RORA: variants seen among roughly 807,000 people sequenced by gnomAD.
RORA encodes the protein nuclear receptor ROR-alpha.
In RORA, 7 loss-of-function variants were observed where a neutral mutation model predicts 69.5. That is an observed-to-expected ratio of 0.10 (90% CI 0.06 to 0.19). RORA has a LOEUF of 0.19. Ranked by LOEUF, RORA falls within the 10% of genes least tolerant of loss-of-function variation. The probability of loss-of-function intolerance (pLI) is 1.00; values close to 1 mark genes in which losing one functional copy is unlikely to be tolerated. For missense variants in RORA, 457 were observed against 663.0 expected, an observed-to-expected ratio of 0.69 and a Z score of 3.41; for synonymous variants, 261 against 240.8, an observed-to-expected ratio of 1.08 and a Z score of -0.78.
At chr15:60,697,984 C>T (rs1312667967) in intron 1 of RORA, among the ~76,000 whole-genome samples, 4 of 152,122 alleles carry the variant, frequency 2.6e-5, no homozygotes, top group African/African-American at 4.8e-5. Context: ...GTAAAATAAA[C>T]GCCTACAAAG....
chr15:60,819,252 A>G (rs945206122), intron 1 of RORA, among the ~76,000 whole-genome samples: 6 of 152,352 alleles, frequency 3.9e-5, no homozygotes, highest in South Asian at 2.1e-4. Context: ...ATGCTTCAGG[A>G]GTATGCTCTG....
intron 1 of RORA, among the ~76,000 whole-genome samples, chr15:60,702,695 T>C (rs1416944227): frequency 6.6e-6 from 1 of 152,220 alleles, no homozygotes; most frequent in Non-Finnish European, 1.5e-5. Context: ...ACTGAAACAA[T>C]GCATGTGCAA....
chr15:61,202,260 T>G (rs2079902153), intron 1 of RORA, among the ~76,000 whole-genome samples: 1 of 152,190 alleles, frequency 6.6e-6, no homozygotes, highest in Non-Finnish European at 1.5e-5. Flanking sequence ...TCCGCCTGCC[T>G]CAGCCTCCCA....
rs376520152 is a variant in RORA, at chr15:60,526,712, G to A, written c.282+5054C>T. ...TGCCCAGCTCTAATACTGGGGCCAC[G>A]TATTAAAATAAAAATGAGCATGAAT... On this transcript the variant is annotated intron_variant, in intron 3 of 10. Coordinates refer to ENST00000335670, the MANE Select transcript of RORA (RefSeq NM_134261.3). Among the ~76,000 whole-genome samples the A allele has an allele frequency of 8.5e-5, 13 of 152,240 alleles. No individual in the cohort carries two copies. The East Asian group carries it at 1.7e-3, about 20-fold the overall frequency.
chr15:60,810,790 A>C (rs886252256), intron 1 of RORA, among the ~76,000 whole-genome samples: 1 of 150,100 alleles, frequency 6.7e-6, no homozygotes, highest in South Asian at 2.1e-4. Context: ...CTCACATTAT[A>C]TGCTTTCCTT....
intron 1 of RORA, among the ~76,000 whole-genome samples, chr15:61,154,263 G>A (rs1040160436): frequency 2.0e-5 from 3 of 152,098 alleles, no homozygotes; most frequent in African/African-American, 4.8e-5. Flanking sequence ...GGGTACAAAA[G>A]TAAAGGCCAA....
At chr15:60,709,387 G>T (rs1313110690) in intron 1 of RORA, among the ~76,000 whole-genome samples, 1 of 152,162 alleles carries the variant, frequency 6.6e-6, no homozygotes, top group Non-Finnish European at 1.5e-5. Flanking sequence ...TGAAGTAACA[G>T]ACTGAGGATT....
At chr15:61,114,077 C>G (rs539602392) in intron 1 of RORA, among the ~76,000 whole-genome samples, 2 of 152,152 alleles carry the variant, frequency 1.3e-5, no homozygotes, top group Non-Finnish European at 2.9e-5. Flanking sequence ...AATGTCACTC[C>G]GCAAAGTTCT....
intron 1 of RORA, among the ~76,000 whole-genome samples, chr15:60,971,565 C>A (rs1357640178): frequency 6.6e-6 from 1 of 152,226 alleles, no homozygotes; most frequent in Non-Finnish European, 1.5e-5. Context: ...GATTCTTCTC[C>A]TCACTCCATT....
intron 2 of RORA, chr15:60,627,362 C>A (rs200758127): frequency 1.9e-6 from 3 of 1,614,170 alleles, no homozygotes; most frequent in Non-Finnish European, 1.7e-6. Context: ...TCTCCTGGGG[C>A]CCCCTCATTC....
At chr15:60,946,567 G>T (rs1892883835) in intron 1 of RORA, among the ~76,000 whole-genome samples, 1 of 152,220 alleles carries the variant, frequency 6.6e-6, no homozygotes, top group South Asian at 2.1e-4. Flanking sequence ...CATTCACTCA[G>T]TGCTCAATGT....
intron 1 of RORA, among the ~76,000 whole-genome samples, chr15:61,027,060 T>C (rs1241700522): frequency 6.6e-6 from 1 of 152,148 alleles, no homozygotes; most frequent in Non-Finnish European, 1.5e-5. Context: ...GCATTTATCA[T>C]TGTAACTGAG....
At chr15:60,949,652 C>T (rs1170646321) in intron 1 of RORA, among the ~76,000 whole-genome samples, 1 of 152,208 alleles carries the variant, frequency 6.6e-6, no homozygotes, top group East Asian at 1.9e-4. Flanking sequence ...TTCATATTGT[C>T]AACTGGTGTC....
chr15:60,671,829 C>G (rs1279554170), intron 2 of RORA, among the ~76,000 whole-genome samples: 6 of 151,960 alleles, frequency 3.9e-5, no homozygotes, highest in African/African-American at 1.4e-4. Context: ...CCAGGCTGGT[C>G]TCAAACTCCT....
chr15:60,775,236 G>A (rs2072144472), intron 1 of RORA, among the ~76,000 whole-genome samples: 1 of 152,098 alleles, frequency 6.6e-6, no homozygotes, highest in African/African-American at 2.4e-5. Context: ...CAAAAGATTA[G>A]ATTCCCCACC....
At chr15:60,617,121 T>C (rs1035940340) in intron 2 of RORA, among the ~76,000 whole-genome samples, 1 of 152,172 alleles carries the variant, frequency 6.6e-6, no homozygotes, top group African/African-American at 2.4e-5. Flanking sequence ...AGGGGTGATA[T>C]GATGATATGT....
chr15:60,803,554 A>G (rs1461026069), intron 1 of RORA, among the ~76,000 whole-genome samples: 3 of 152,348 alleles, frequency 2.0e-5, no homozygotes, highest in Admixed American at 6.5e-5. Context: ...CAGAGCCCAC[A>G]AGGCAGCATT....
rs1431262976 is a variant in RORA at position 61,147,017 on chromosome 15, G to T, written c.166+82036C>A. On this transcript the variant is annotated intron_variant, in intron 1 of 10. Coordinates refer to ENST00000335670, the MANE Select transcript of RORA (RefSeq NM_134261.3). The surrounding 1 kb of genome is among the most constrained non-coding windows in gnomAD (Gnocchi z 4.1). ...AACCCTCTTCAGGCTATTCATGGTG[G>T]GGGGCAGTCACGGGGGAACTAAATG... Among the ~76,000 whole-genome samples, 1 of 151,766 alleles carries T rather than the reference G, an allele frequency of 6.6e-6. No individual in the cohort carries two copies. The highest frequency in any genetic ancestry group is 2.4e-5 in the African/African-American group (1 of 41,288).
chr15:60,502,831 G>C lies in RORA; in HGVS notation c.1112C>G (p.Ala371Gly). The change falls in exon 8 of 11, where the codon GCC becomes GGC. Residue 371 changes from alanine to glycine, a missense_variant. Physicochemically the swap from Ala to Gly is moderately conservative, Grantham distance 60. This residue lies in a region of RORA where 304 missense variants were observed against 447.4 expected (regional missense o/e 0.68). Transcript: ENST00000335670. ...CACGGTGTTGTTCTGAGAGTCAAAG[G>C]CACGGCACATTCTGATAAACACCAC... Reference protein sequence around the residue: ...LEVVFIRMCRAFDSQNNTVYF... With the variant: ...LEVVFIRMCRGFDSQNNTVYF... The C allele has an allele frequency of 1.9e-6, 3 of 1,613,804 alleles. No homozygotes were observed. Among genetic ancestry groups the C allele is most frequent in the Non-Finnish European group, 2.5e-6 (3 of 1,179,770 alleles).
Sources: gnomAD v4.1 joint callset for allele counts (sites outside exome capture counted in the v4.1 genomes callset) on GRCh38, gnomAD v4.1.1 for gene constraint, gnomAD v4.1.1 regional missense constraint, Gnocchi (gnomAD v3.1) non-coding constraint, MANE v1.5 for transcripts, NCBI Gene and HGNC (gene_info 2026-07-23, HGNC 2026-07-21) for gene names.